Variants in FA2H observed in about 807,000 individuals in gnomAD.
FA2H encodes the protein fatty acid 2-hydroxylase.
In FA2H, 22 loss-of-function variants were observed where a neutral mutation model predicts 44.9. That is an observed-to-expected ratio of 0.49 (90% confidence interval 0.35 to 0.70). FA2H has a LOEUF of 0.70. FA2H is among the 30% of genes least tolerant of loss of function. The pLI, the probability that FA2H is intolerant of heterozygous loss-of-function variation, is 0.01. For synonymous variants in FA2H, 243 were observed against 213.2 expected (o/e 1.14, Z -1.22); for missense variants, 501 against 504.9 (o/e 0.99, Z 0.07).
Position 74,738,972 on chromosome 16 carries a change from C to T in FA2H, c.363+1051G>A, listed in dbSNP as rs1016679946. 4.6e-5 allele frequency among the ~76,000 whole-genome samples: 7 copies of T among 152,224 alleles called. No homozygotes were observed. The South Asian group carries it at 1.0e-3, about 23-fold the overall frequency. ...GATCCTGAGGCGTCTGTGCTGTGGGCGGATGGGTTCTCCCAGAGGCGGCTG... is the reference window on the plus strand; with the variant it reads ...GATCCTGAGGCGTCTGTGCTGTGGGTGGATGGGTTCTCCCAGAGGCGGCTG... On this transcript the variant is annotated intron_variant, in intron 2 of 6. Transcript: ENST00000219368.
chr16:74,750,761 C>CTGTGTGTG (rs55799456), intron 1 of FA2H, among the ~76,000 whole-genome samples: 2,706 of 141,636 alleles, frequency 0.019, 89 homozygotes, highest in African/African-American at 0.066. Flanking sequence ...TTTTTTTTCA[C>CTGTGTGTG]TGTGTGTGTG....
intron 1 of FA2H, among the ~76,000 whole-genome samples, chr16:74,771,672 C>T (rs932678107): frequency 1.3e-5 from 2 of 152,074 alleles, no homozygotes; most frequent in African/African-American, 2.4e-5. Context: ...TCTTCTAAAC[C>T]CTTCAGCATG....
At chr16:74,734,634 C>T (rs902369552) in intron 2 of FA2H, among the ~76,000 whole-genome samples, 5 of 152,184 alleles carry the variant, frequency 3.3e-5, no homozygotes, top group East Asian at 1.9e-4. Flanking sequence ...AGAGGGTGGG[C>T]GGAAGGGCAT....
intron 1 of FA2H, among the ~76,000 whole-genome samples, chr16:74,770,522 G>A (rs1328135260): frequency 6.6e-6 from 1 of 152,122 alleles, no homozygotes; most frequent in African/African-American, 2.4e-5. Context: ...GGGACTGCAG[G>A]CACGAGCCAC....
At chr16:74,717,822 G>T (rs1389371509) in intron 5 of FA2H, among the ~76,000 whole-genome samples, 1 of 152,204 alleles carries the variant, frequency 6.6e-6, no homozygotes, top group Non-Finnish European at 1.5e-5. Flanking sequence ...TTCCCAGAAG[G>T]TTCTGGTGTC....
chr16:74,749,722 C>G lies in FA2H; in HGVS notation c.271-9607G>C, dbSNP rs560790640. Among the ~76,000 whole-genome samples, 176 of 152,312 alleles carry G rather than the reference C, an allele frequency of 1.2e-3. 1 individual carries two copies. Among genetic ancestry groups the G allele is most frequent in the African/African-American group, 3.8e-3 (157 of 41,562 alleles). On this transcript the variant is annotated intron_variant, in intron 1 of 6. Coordinates refer to ENST00000219368, the MANE Select transcript of FA2H (RefSeq NM_024306.5). ...GAAATTACCACTCGCTAGGATACCC[C>G]CTGTGGGTTTTCAAGCCACTAACTC...
intron 1 of FA2H, 136 bp downstream of exon 1, chr16:74,774,350 G>T: frequency 1.3e-6 from 1 of 799,096 alleles, no homozygotes; most frequent in Non-Finnish European, 1.8e-6. Flanking sequence ...CTGGAGAGAA[G>T]AGAGGGAAAG....
chr16:74,735,530 C>A (rs772100898), intron 2 of FA2H, among the ~76,000 whole-genome samples: 2 of 152,208 alleles, frequency 1.3e-5, no homozygotes, highest in Non-Finnish European at 2.9e-5. Context: ...AGATGAAAGA[C>A]AGCTTGAGCG....
At chr16:74,748,079 G>A (rs984927230) in intron 1 of FA2H, among the ~76,000 whole-genome samples, 2 of 152,126 alleles carry the variant, frequency 1.3e-5, no homozygotes, top group African/African-American at 4.8e-5. Flanking sequence ...AGGCCACACA[G>A]ATGGCCCCGG....
At chr16:74,732,755 T>C (rs1456198451) in intron 2 of FA2H, among the ~76,000 whole-genome samples, 1 of 152,176 alleles carries the variant, frequency 6.6e-6, no homozygotes, top group Non-Finnish European at 1.5e-5. Flanking sequence ...ATAGGATTCA[T>C]ACGTTGAATT....
At chr16:74,763,439 G>C (rs1331308385) in intron 1 of FA2H, among the ~76,000 whole-genome samples, 1 of 152,050 alleles carries the variant, frequency 6.6e-6, no homozygotes, top group African/African-American at 2.4e-5. Flanking sequence ...TGTATTTTTA[G>C]TAGAGACGAG....
intron 2 of FA2H, among the ~76,000 whole-genome samples, chr16:74,734,562 C>T (rs1597552209): frequency 6.6e-6 from 1 of 152,354 alleles, no homozygotes; most frequent in Admixed American, 6.5e-5. Flanking sequence ...GGGCTTCTCC[C>T]AGGCTATGCC....
intron 1 of FA2H, among the ~76,000 whole-genome samples, chr16:74,773,127 C>G (rs564305512): frequency 6.6e-6 from 1 of 152,146 alleles, no homozygotes; most frequent in East Asian, 1.9e-4. Context: ...CCTCTTACCT[C>G]GGCCTCCCAA....
chr16:74,742,124 A>C (rs1403139280), intron 1 of FA2H, among the ~76,000 whole-genome samples: 2 of 152,006 alleles, frequency 1.3e-5, no homozygotes, highest in Non-Finnish European at 2.9e-5. Flanking sequence ...TGCAAATACC[A>C]GATGCTCCAC....
chr16:74,762,234 G>C (rs112240319), intron 1 of FA2H, among the ~76,000 whole-genome samples: 4 of 152,080 alleles, frequency 2.6e-5, no homozygotes, highest in Admixed American at 6.6e-5. Context: ...TAGTAGAGAC[G>C]GGGTTTCACC....
chr16:74,757,057 G>A (rs1567648240), intron 1 of FA2H, among the ~76,000 whole-genome samples: 1 of 151,330 alleles, frequency 6.6e-6, no homozygotes, highest in Non-Finnish European at 1.5e-5. Context: ...AAAACATTAA[G>A]CAAGGCAAAA....
intron 1 of FA2H, among the ~76,000 whole-genome samples, chr16:74,758,444 C>T (rs1055845305): frequency 2.6e-5 from 4 of 151,750 alleles, no homozygotes; most frequent in South Asian, 2.1e-4. Flanking sequence ...TTTGCACGTT[C>T]GTCTTAACTA....
intron 1 of FA2H, among the ~76,000 whole-genome samples, chr16:74,767,715 A>G (rs1233353118): frequency 6.6e-6 from 1 of 152,224 alleles, no homozygotes; most frequent in Non-Finnish European, 1.5e-5. Flanking sequence ...GAGCATCCAG[A>G]AGGAATGCTT....
At chr16:74,762,196 T>C (rs1160374058) in intron 1 of FA2H, among the ~76,000 whole-genome samples, 4 of 152,130 alleles carry the variant, frequency 2.6e-5, no homozygotes, top group African/African-American at 9.7e-5. Context: ...GTGCCCACCA[T>C]CAAGTCTGGC....
Sources: allele counts gnomAD v4.1 joint callset (sites outside exome capture counted in the v4.1 genomes callset), GRCh38; gene constraint gnomAD v4.1.1; transcripts MANE v1.5; gene names NCBI Gene and HGNC (gene_info 2026-07-23, HGNC 2026-07-21).